RBFOX1: variants seen among roughly 807,000 people sequenced by gnomAD.
RBFOX1 encodes RNA binding fox-1 homolog 1, also known as RNA binding protein fox-1 homolog 1.
Under a neutral mutation model 57.7 loss-of-function variants are expected in RBFOX1, and 8 were observed. The observed-to-expected ratio is 0.14, with a 90% CI of 0.08 to 0.25. The LOEUF (loss-of-function observed/expected upper bound fraction) is 0.25, where lower values mean the gene tolerates loss of function less well. RBFOX1 is among the 10% of genes least tolerant of loss of function. The pLI is 1.00. For synonymous variants in RBFOX1, 326 were observed against 222.4 expected (o/e 1.47, Z -4.15); for missense variants, 611 against 548.5 (o/e 1.11, Z -1.14).
intron 2 of RBFOX1, among the ~76,000 whole-genome samples, chr16:6,645,068 C>A (rs1237729562): frequency 6.6e-6 from 1 of 152,168 alleles, no homozygotes; most frequent in African/African-American, 2.4e-5. Context: ...GGGGAAGATT[C>A]ATCTTTGCCT....
intron 4 of RBFOX1, among the ~76,000 whole-genome samples, chr16:7,414,526 A>G (rs946513924): frequency 4.6e-5 from 7 of 152,224 alleles, no homozygotes; most frequent in Non-Finnish European, 8.8e-5. Context: ...TTGATAGAAA[A>G]GTGTGACTTT....
In RBFOX1 at chr16:5,436,924, A is replaced by T. The variant is rs138722785; in HGVS notation, c.220-30292A>T. On this transcript the variant is annotated intron_variant, in intron 1 of 2. Coordinates refer to the RBFOX1 transcript ENST00000585867. ...CAAGCCATGTCAATATGTCAGTCTCAAGAGTCTTTTCCCCCATAGAGAGAG... is the reference window on the plus strand; with the variant it reads ...CAAGCCATGTCAATATGTCAGTCTCTAGAGTCTTTTCCCCCATAGAGAGAG... Among the ~76,000 whole-genome samples, 133 of 152,208 alleles carry T rather than the reference A, an allele frequency of 8.7e-4. 1 individual carries two copies. Among genetic ancestry groups the T allele is most frequent in the African/African-American group, 3.0e-3 (126 of 41,544 alleles).
intron 4 of RBFOX1, among the ~76,000 whole-genome samples, chr16:7,368,253 TGAG>T (rs2097499719): frequency 7.0e-6 from 1 of 142,220 alleles, no homozygotes; most frequent in African/African-American, 2.7e-5. Flanking sequence ...GGCCACAGAG[TGAG>T]ACTGTCTCGA....
At chr16:7,115,315 C>G (rs1317468806) in intron 4 of RBFOX1, among the ~76,000 whole-genome samples, 1 of 152,122 alleles carries the variant, frequency 6.6e-6, no homozygotes, top group Admixed American at 6.5e-5. Flanking sequence ...AGCAACGTTG[C>G]TAGGCTTTGG....
At chr16:6,295,399 C>T (rs924389493) in intron 1 of RBFOX1, among the ~76,000 whole-genome samples, 21 of 152,172 alleles carry the variant, frequency 1.4e-4, no homozygotes, top group African/African-American at 4.6e-4. Flanking sequence ...GCTGGGATTA[C>T]AGGCATAAGC....
chr16:6,301,403 G>A (rs1006141938), intron 1 of RBFOX1, among the ~76,000 whole-genome samples: 2 of 152,130 alleles, frequency 1.3e-5, no homozygotes, highest in South Asian at 2.1e-4. Context: ...TTCTTATTAA[G>A]CGATGCAGGT....
intron 3 of RBFOX1, among the ~76,000 whole-genome samples, chr16:5,816,055 G>A (rs903432356): frequency 2.0e-5 from 3 of 152,208 alleles, no homozygotes; most frequent in Admixed American, 6.5e-5. Flanking sequence ...GGCTAGGGCT[G>A]ATAAGGTCAT....
intron 3 of RBFOX1, among the ~76,000 whole-genome samples, chr16:6,860,434 C>G (rs72768864): frequency 2.0e-5 from 3 of 151,966 alleles, no homozygotes; most frequent in African/African-American, 7.3e-5. Flanking sequence ...GGCTAAGACG[C>G]GGGGGCAGCG....
At chr16:5,415,393 A>G (rs1215673051) in intron 1 of RBFOX1, among the ~76,000 whole-genome samples, 3 of 152,136 alleles carry the variant, frequency 2.0e-5, no homozygotes, top group Non-Finnish European at 4.4e-5. Context: ...GTCACTTCCC[A>G]CCGATTCCCT....
intron 3 of RBFOX1, among the ~76,000 whole-genome samples, chr16:6,986,728 C>G (rs564613080): frequency 6.6e-6 from 1 of 152,068 alleles, no homozygotes; most frequent in East Asian, 1.9e-4. Context: ...TGATGGGTAT[C>G]TTTTCGTGAC....
In RBFOX1 at chr16:5,395,576, G is replaced by C. The variant is rs201865605; in HGVS notation, c.220-71640G>C. On this transcript the variant is annotated intron_variant, in intron 1 of 2. Coordinates refer to the RBFOX1 transcript ENST00000585867. ...TTTAAAACTTACGTATAATGTATGT[G>C]GTGGAGACGTTCAGGTGGTCCTTAG... 3.9e-5 allele frequency among the ~76,000 whole-genome samples: 6 copies of C among 152,250 alleles called. No homozygotes were observed. The East Asian group carries it at 1.2e-3, about 29-fold the overall frequency.
At chr16:6,504,754 C>G (rs1204632386) in intron 2 of RBFOX1, among the ~76,000 whole-genome samples, 1 of 152,122 alleles carries the variant, frequency 6.6e-6, no homozygotes, top group Non-Finnish European at 1.5e-5. Flanking sequence ...ATCGGCACTT[C>G]TATTTAAAAA....
chr16:5,457,615 G>C (rs547564), intron 1 of RBFOX1, among the ~76,000 whole-genome samples: 116,230 of 152,046 alleles, frequency 0.76, 44,544 homozygotes, highest in East Asian at 0.84. Context: ...TAACTCTTTC[G>C]TCTGCATGGA....
intron 2 of RBFOX1, among the ~76,000 whole-genome samples, chr16:5,589,697 G>C (rs1567266782): frequency 6.6e-6 from 1 of 152,132 alleles, no homozygotes; most frequent in Non-Finnish European, 1.5e-5. Context: ...CATTCTGTAA[G>C]GTTACCTAGT....
intron 2 of RBFOX1, among the ~76,000 whole-genome samples, chr16:6,397,873 G>C (rs559135495): frequency 2.0e-5 from 3 of 152,206 alleles, no homozygotes; most frequent in African/African-American, 7.2e-5. Context: ...TATTACAAAA[G>C]TGTATAGTGA....
intron 3 of RBFOX1, among the ~76,000 whole-genome samples, chr16:6,692,649 A>G (rs1403972220): frequency 6.9e-6 from 1 of 145,418 alleles, no homozygotes; most frequent in African/African-American, 2.5e-5. Context: ...TTTTTTTTTT[A>G]CTGTTTCTTC....
At chr16:5,891,209 G>A (rs568902118) in intron 4 of RBFOX1, among the ~76,000 whole-genome samples, 4 of 138,964 alleles carry the variant, frequency 2.9e-5, no homozygotes, top group Non-Finnish European at 3.2e-5. Context: ...CCTCTCTCTC[G>A]TGCATGTGAG....
At chr16:7,345,585 T>C (rs2096983027) in intron 4 of RBFOX1, among the ~76,000 whole-genome samples, 1 of 152,066 alleles carries the variant, frequency 6.6e-6, no homozygotes, top group Non-Finnish European at 1.5e-5. Context: ...GTTGGATGTG[T>C]TCACCCATCA....
chr16:6,399,262 G>C (rs559609620), intron 2 of RBFOX1, among the ~76,000 whole-genome samples: 2 of 152,362 alleles, frequency 1.3e-5, no homozygotes, highest in East Asian at 3.9e-4. Flanking sequence ...CTGGTCCTGT[G>C]ATGGGAGGGG....
Sources: gnomAD v4.1 joint callset for allele counts (sites outside exome capture counted in the v4.1 genomes callset) on GRCh38, gnomAD v4.1.1 for gene constraint, MANE v1.5 for transcripts, NCBI Gene and HGNC (gene_info 2026-07-23, HGNC 2026-07-21) for gene names.